Variants in FOXP2 observed in about 807,000 individuals in gnomAD.
FOXP2 encodes the protein forkhead box P2, also known as forkhead box protein P2.
FOXP2 carries 12 observed loss-of-function variants against 115.8 expected under a neutral mutation model. That is an observed-to-expected ratio of 0.10 (90% CI 0.07 to 0.17). The LOEUF is 0.17. FOXP2 is among the 10% of genes least tolerant of loss of function. The pLI is 1.00. For missense variants in FOXP2, 629 were observed against 843.5 expected (o/e 0.75, Z 3.15); for synonymous variants, 328 against 297.7 (o/e 1.10, Z -1.05).
intron 3 of FOXP2, among the ~76,000 whole-genome samples, chr7:114,621,175 G>C (rs556192160): frequency 6.6e-6 from 1 of 152,030 alleles, no homozygotes; most frequent in Admixed American, 6.6e-5. Flanking sequence ...AATAGAATTT[G>C]CTTTGGTTAC....
chr7:114,463,117 C>G, intron 2 of FOXP2: 1 of 416,274 alleles, frequency 2.4e-6, no homozygotes. Context: ...CAACCTGGAA[C>G]TCCTGGGCTC....
upstream of FOXP2, among the ~76,000 whole-genome samples, chr7:114,414,016 T>C (rs999114288): frequency 6.6e-6 from 1 of 152,112 alleles, no homozygotes; most frequent in Non-Finnish European, 1.5e-5. Flanking sequence ...GTCGTTCCTG[T>C]CTTGGGTGTA....
At chr7:114,352,280 A>G (rs1450716373) in intron 2 of FOXP2, among the ~76,000 whole-genome samples, 6 of 152,066 alleles carry the variant, frequency 3.9e-5, no homozygotes, top group Non-Finnish European at 7.4e-5. Flanking sequence ...AAAAAAAAGA[A>G]AGAAAGAAAA....
At chr7:114,204,814 C>A (rs529507650) in intron 1 of FOXP2, among the ~76,000 whole-genome samples, 21 of 151,092 alleles carry the variant, frequency 1.4e-4, no homozygotes, top group Admixed American at 1.4e-3. Context: ...CAAAGGGCAG[C>A]AAACATGGGG....
chr7:114,536,695 T>C (rs1799416074), intron 3 of FOXP2, among the ~76,000 whole-genome samples: 1 of 151,458 alleles, frequency 6.6e-6, no homozygotes, highest in Admixed American at 6.6e-5. Context: ...TTGTTTTTCA[T>C]TTTGTGATGC....
intron 3 of FOXP2, chr7:114,538,346 T>A (rs1428541459): frequency 1.5e-6 from 2 of 1,303,330 alleles, no homozygotes; most frequent in Non-Finnish European, 2.0e-6. Flanking sequence ...GACTTGTGGT[T>A]CTTCAACAGC....
At chr7:114,313,758 AAAAAC>A in intron 2 of FOXP2, among the ~76,000 whole-genome samples, 1 of 53,440 alleles carries the variant, frequency 1.9e-5, no homozygotes. Flanking sequence ...AAAAAAAAAA[AAAAAC>A]AAAAATATTG....
At chr7:114,652,332 G>T (rs1275275223) in intron 9 of FOXP2, 42 bp downstream of exon 9, 2 of 1,576,858 alleles carry the variant, frequency 1.3e-6, no homozygotes, top group Non-Finnish European at 1.7e-6. Context: ...TTAGATTTCT[G>T]GTGTGTTACA....
intron 1 of FOXP2, among the ~76,000 whole-genome samples, chr7:114,109,612 G>T (rs930644651): frequency 6.6e-6 from 1 of 152,002 alleles, no homozygotes; most frequent in Admixed American, 6.6e-5. Context: ...ATTTGAAAAT[G>T]CTGTATGCTT....
At chr7:114,175,266 G>C (rs1234080665) in intron 1 of FOXP2, among the ~76,000 whole-genome samples, 1 of 152,110 alleles carries the variant, frequency 6.6e-6, no homozygotes, top group Non-Finnish European at 1.5e-5. Flanking sequence ...CCACTTATGT[G>C]TTAAGGATGC....
Position 114,415,021 on chromosome 7 carries a change from T to A in FOXP2, c.-350T>A. 2.2e-6 allele frequency: 1 copy of A among 451,914 alleles called. No homozygotes were observed. The highest frequency in any genetic ancestry group is 4.4e-6 in the Non-Finnish European group (1 of 225,258). 28.0% of individuals were successfully genotyped at this position (451,914 alleles called of 1,614,324 possible). On this transcript the variant is annotated 5_prime_UTR_variant, in exon 1 of 17. In the 5' UTR this introduces an upstream ATG that the reference lacks. Coordinates refer to ENST00000350908, the MANE Select transcript of FOXP2 (RefSeq NM_014491.4). ...TCTTGAACCTTTGTCACCCCTCACG[T>A]TGCACACCAAAGACATACCCTAGTG... is the stretch of plus-strand genomic sequence containing the variant.
chr7:114,567,977 A>G (rs1801106309), intron 3 of FOXP2, among the ~76,000 whole-genome samples: 1 of 152,266 alleles, frequency 6.6e-6, no homozygotes, highest in East Asian at 1.9e-4. Flanking sequence ...ATTGAGAGTT[A>G]CTTAAAAGCA....
chr7:114,653,476 G>A (rs1326011311), intron 9 of FOXP2: 2 of 248,274 alleles, frequency 8.1e-6, no homozygotes, highest in Admixed American at 1.0e-4. Context: ...ATTGCAGGGG[G>A]CACTAACTGG....
At chr7:114,312,521 C>T (rs893951189) in intron 2 of FOXP2, among the ~76,000 whole-genome samples, 1 of 152,148 alleles carries the variant, frequency 6.6e-6, no homozygotes, top group Non-Finnish European at 1.5e-5. Flanking sequence ...TCTCTGTTAA[C>T]ATCTTATCCT....
At chr7:114,461,810 A>G (rs1020130585) in intron 2 of FOXP2, among the ~76,000 whole-genome samples, 4 of 151,714 alleles carry the variant, frequency 2.6e-5, no homozygotes, top group East Asian at 1.9e-4. Flanking sequence ...TTTTCCCTCA[A>G]CCTGCTTCTT....
At chr7:114,400,547 C>T (rs1267088513) in intron 2 of FOXP2, among the ~76,000 whole-genome samples, 1 of 152,106 alleles carries the variant, frequency 6.6e-6, no homozygotes, top group African/African-American at 2.4e-5. Context: ...CAGCGGTCCC[C>T]AATCTTTTTG....
chr7:114,449,299 A>C (rs1031462799), intron 2 of FOXP2, among the ~76,000 whole-genome samples: 5 of 152,274 alleles, frequency 3.3e-5, no homozygotes, highest in Admixed American at 6.5e-5. Context: ...TGTTTTATAA[A>C]AAAACTAAAA....
chr7:114,478,136 G>C (rs889007391), intron 2 of FOXP2, among the ~76,000 whole-genome samples: 1 of 151,810 alleles, frequency 6.6e-6, no homozygotes, highest in African/African-American at 2.4e-5. Context: ...AATAGATAAA[G>C]TTATTAAGAA....
chr7:114,673,845 G>A (rs1057166851), intron 16 of FOXP2, among the ~76,000 whole-genome samples: 29 of 151,988 alleles, frequency 1.9e-4, no homozygotes, highest in Non-Finnish European at 2.7e-4. Context: ...GATTACAGGC[G>A]CCTGCCACTA....
Sources: allele counts gnomAD v4.1 joint callset (sites outside exome capture counted in the v4.1 genomes callset), GRCh38; gene constraint gnomAD v4.1.1; transcripts MANE v1.5; gene names NCBI Gene and HGNC (gene_info 2026-07-23, HGNC 2026-07-21).